The following DSCAML1 variants were observed in gnomAD, a reference collection of about 807,000 sequenced individuals.
DSCAML1 encodes the protein DS cell adhesion molecule like 1, also known as cell adhesion molecule DSCAML1.
In DSCAML1, 38 loss-of-function variants were observed where a neutral mutation model predicts 200.5. That is an observed-to-expected ratio of 0.19 (90% confidence interval 0.15 to 0.25). DSCAML1 has a LOEUF of 0.25. Among genes scored for constraint, DSCAML1 ranks in the 10% least tolerant of loss-of-function variants. The probability of loss-of-function intolerance (pLI) is 1.00; values close to 1 mark genes in which losing one functional copy is unlikely to be tolerated. For synonymous variants in DSCAML1, 1,215 were observed against 1,165.0 expected (o/e 1.04, Z -0.87); for missense variants, 2,223 against 2,858.8 (o/e 0.78, Z 5.07).
intron 3 of DSCAML1, among the ~76,000 whole-genome samples, chr11:117,714,970 G>GGC (rs1195970053): frequency 4.0e-4 from 61 of 152,100 alleles, no homozygotes; most frequent in Non-Finnish European, 8.1e-4. Context: ...TGCCTACTCT[G>GGC]CCATCCACAT....
At chr11:117,710,519 T>TA (rs2053828491) in intron 3 of DSCAML1, among the ~76,000 whole-genome samples, 1 of 152,130 alleles carries the variant, frequency 6.6e-6, no homozygotes, top group Non-Finnish European at 1.5e-5. Context: ...GCTTTATCCT[T>TA]AGGGACTAGC....
At chr11:117,456,994 C>T (rs1242845734) in intron 19 of DSCAML1, among the ~76,000 whole-genome samples, 1 of 152,158 alleles carries the variant, frequency 6.6e-6, no homozygotes, top group Non-Finnish European at 1.5e-5. Context: ...CATTTCATTG[C>T]CAGCACCTTG....
At chr11:117,739,070 C>T (rs1591457638) in intron 3 of DSCAML1, among the ~76,000 whole-genome samples, 1 of 152,246 alleles carries the variant, frequency 6.6e-6, no homozygotes, top group Non-Finnish European at 1.5e-5. Flanking sequence ...ATTGTCTAAT[C>T]TGATCCTCCA....
At chr11:117,442,206 CATGT>C (rs1467974519) in intron 21 of DSCAML1, among the ~76,000 whole-genome samples, 1 of 147,726 alleles carries the variant, frequency 6.8e-6, no homozygotes, top group Non-Finnish European at 1.5e-5. Flanking sequence ...TGCATGTGTG[CATGT>C]ATTAGTGTGT....
At chr11:117,527,660 C>T (rs1399473644) in intron 4 of DSCAML1, among the ~76,000 whole-genome samples, 1 of 152,166 alleles carries the variant, frequency 6.6e-6, no homozygotes, top group Non-Finnish European at 1.5e-5. Flanking sequence ...AGCCAGGTCT[C>T]CCCCACCCTT....
At chr11:117,594,207 CAG>C (rs2051318673) in intron 3 of DSCAML1, among the ~76,000 whole-genome samples, 1 of 152,148 alleles carries the variant, frequency 6.6e-6, no homozygotes. Flanking sequence ...GGCTCCATTT[CAG>C]AGAGAGTTTA....
intron 3 of DSCAML1, among the ~76,000 whole-genome samples, chr11:117,773,880 T>A (rs2055083605): frequency 6.6e-6 from 1 of 152,098 alleles, no homozygotes; most frequent in Non-Finnish European, 1.5e-5. Context: ...AATTCTCCAA[T>A]GCCAAACTAA....
intron 3 of DSCAML1, among the ~76,000 whole-genome samples, chr11:117,665,531 G>C (rs1054176117): frequency 6.6e-6 from 1 of 152,102 alleles, no homozygotes; most frequent in Non-Finnish European, 1.5e-5. Context: ...TATAAAATAG[G>C]GCCTCAGATT....
intron 1 of DSCAML1, among the ~76,000 whole-genome samples, chr11:117,792,456 C>T (rs1193975100): frequency 6.6e-6 from 1 of 152,118 alleles, no homozygotes; most frequent in Non-Finnish European, 1.5e-5. Context: ...GCCCTTCCCT[C>T]AGTGACTGTA....
chr11:117,787,744 G>A (rs2055385547), intron 1 of DSCAML1, among the ~76,000 whole-genome samples: 1 of 152,196 alleles, frequency 6.6e-6, no homozygotes, highest in Non-Finnish European at 1.5e-5. Flanking sequence ...AGAATCAATA[G>A]CAACAGAGCA....
chr11:117,496,652 A>G (rs2049294707), intron 11 of DSCAML1, among the ~76,000 whole-genome samples: 1 of 152,182 alleles, frequency 6.6e-6, no homozygotes, highest in Non-Finnish European at 1.5e-5. Context: ...TGCTGTGGTC[A>G]TGGGGACTGC....
chr11:117,477,412 A>C (rs930439998), intron 14 of DSCAML1, among the ~76,000 whole-genome samples: 1 of 148,190 alleles, frequency 6.7e-6, no homozygotes, highest in Non-Finnish European at 1.5e-5. Flanking sequence ...GTATGTGTAT[A>C]TTCTCACTCC....
At chr11:117,529,835 G>C (rs7130708) in intron 4 of DSCAML1, among the ~76,000 whole-genome samples, 1 of 151,660 alleles carries the variant, frequency 6.6e-6, no homozygotes, top group African/African-American at 2.4e-5. Flanking sequence ...GGGCGGGTGA[G>C]CCTGAGACGG....
At chr11:117,512,644 A>G (rs61905339) in intron 8 of DSCAML1, among the ~76,000 whole-genome samples, 944 of 5,850 alleles carry the variant, frequency 0.16, 7 homozygotes, top group South Asian at 0.31. Flanking sequence ...AAGCGTGTGT[A>G]CACACACACA....
intron 3 of DSCAML1, among the ~76,000 whole-genome samples, chr11:117,666,170 CTGA>C (rs2052971064): frequency 6.6e-6 from 1 of 152,182 alleles, no homozygotes; most frequent in African/African-American, 2.4e-5. Context: ...TCAGAAGGCC[CTGA>C]GGTCACATCC....
intron 3 of DSCAML1, among the ~76,000 whole-genome samples, chr11:117,586,631 C>T (rs1481019485): frequency 2.6e-5 from 4 of 152,132 alleles, no homozygotes; most frequent in African/African-American, 7.2e-5. Context: ...AGGATGACAG[C>T]GGGCCCAGTA....
At chr11:117,773,718 A>C (rs2055080451) in intron 3 of DSCAML1, among the ~76,000 whole-genome samples, 1 of 152,152 alleles carries the variant, frequency 6.6e-6, no homozygotes, top group Non-Finnish European at 1.5e-5. Context: ...GACAAGACAA[A>C]ACTCCACTCT....
chr11:117,605,075 C>T lies in DSCAML1; in HGVS notation c.512-72553G>A, dbSNP rs146491789. 9.1e-4 allele frequency among the ~76,000 whole-genome samples: 139 copies of T among 152,290 alleles called. No homozygotes were observed. In the East Asian group the frequency reaches 0.018, roughly 19 times the overall value. The stretch of plus-strand genomic sequence containing the variant: ...CCCTGGTCTGGTTCTGTCTCCCAGG[C>T]TGGAGTGCAGTGGCACAATCATAGC... On this transcript the variant is annotated intron_variant, in intron 3 of 32. Coordinates refer to ENST00000651296, the MANE Select transcript of DSCAML1 (RefSeq NM_020693.4).
At chr11:117,551,033 G>A (rs1469235937) in intron 3 of DSCAML1, among the ~76,000 whole-genome samples, 1 of 152,106 alleles carries the variant, frequency 6.6e-6, no homozygotes, top group African/African-American at 2.4e-5. Context: ...TGGGGGCAGG[G>A]GTCAGGCAAT....
Sources: gnomAD v4.1 joint callset for allele counts (sites outside exome capture counted in the v4.1 genomes callset) on GRCh38, gnomAD v4.1.1 for gene constraint, MANE v1.5 for transcripts, NCBI Gene and HGNC (gene_info 2026-07-23, HGNC 2026-07-21) for gene names.